Variants in MNS1 observed in about 807,000 individuals in gnomAD.
The protein encoded by MNS1 is meiosis-specific nuclear structural protein 1.
A neutral mutation model predicts 72.0 loss-of-function variants in MNS1; 63 were observed. The observed-to-expected ratio is 0.87, with a 90% CI of 0.71 to 1.08. The LOEUF (loss-of-function observed/expected upper bound fraction) is 1.08. Among genes scored for constraint, MNS1 ranks in the 50% least tolerant of loss-of-function variants. The pLI is 0.00. For synonymous variants in MNS1, 188 were observed against 172.1 expected (o/e 1.09, Z -0.72); for missense variants, 604 against 562.4 (o/e 1.07, Z -0.75).
chr15:56,457,775 A>G (rs1413198412), intron 2 of MNS1, among the ~76,000 whole-genome samples: 2 of 151,994 alleles, frequency 1.3e-5, no homozygotes, highest in Admixed American at 6.6e-5. Context: ...TGATCATGCC[A>G]CTGCACTCCA....
chr15:56,441,296 A>G (rs555469954), intron 7 of MNS1, among the ~76,000 whole-genome samples: 2 of 152,084 alleles, frequency 1.3e-5, no homozygotes, highest in South Asian at 4.2e-4. Flanking sequence ...GACTTCCTTT[A>G]TGTCCTAGAA....
At chr15:56,450,057 C>G (rs2050937861) in intron 3 of MNS1, among the ~76,000 whole-genome samples, 1 of 152,078 alleles carries the variant, frequency 6.6e-6, no homozygotes, top group Non-Finnish European at 1.5e-5. Context: ...CTGCTCTTAT[C>G]TTTATTATTG....
Position 56,429,205 on chromosome 15 carries a change from A to G in MNS1, c.1396-12T>C, listed in dbSNP as rs763153005. The G allele has an allele frequency of 1.9e-6, 3 of 1,550,066 alleles. No individual in the cohort carries two copies. The highest frequency in any genetic ancestry group is 2.3e-5 in the East Asian group (1 of 43,404). On this transcript the variant is annotated splice_polypyrimidine_tract_variant and intron_variant, in intron 9 of 9. Transcript: ENST00000260453. The stretch of plus-strand genomic sequence containing the variant: ...TTTTTAAATACTCCCTACGAGAAAA[A>G]TACTTTGTGGGTTACTTTTGAATAC...
At chr15:56,438,037 T>C (rs1475024137) in intron 7 of MNS1, among the ~76,000 whole-genome samples, 1 of 152,180 alleles carries the variant, frequency 6.6e-6, no homozygotes, top group Admixed American at 6.5e-5. Context: ...ATGGCCATAC[T>C]GCCCAAGGTA....
chr15:56,434,118 A>T lies in MNS1; in HGVS notation c.1269+20T>A. ...CTGTTTAATGATAATGACCAAAAAA[A>T]CCCCACAACTTTTTCTTACTTTGTC... On this transcript the variant is annotated intron_variant, in intron 8 of 9. Transcript: ENST00000260453. The T allele has an allele frequency of 6.2e-7, 1 of 1,601,240 alleles. No homozygotes were observed. The highest frequency in any genetic ancestry group is 1.1e-5 in the South Asian group (1 of 88,798).
intron 7 of MNS1, among the ~76,000 whole-genome samples, chr15:56,438,307 T>C (rs567618670): frequency 6.6e-6 from 1 of 152,010 alleles, no homozygotes; most frequent in African/African-American, 2.4e-5. Flanking sequence ...TCAGAAATAG[T>C]ACCACACATC....
chr15:56,444,338 T>C (rs963551870), intron 5 of MNS1, 106 bp downstream of exon 5: 46 of 871,388 alleles, frequency 5.3e-5, no homozygotes, highest in Middle Eastern at 3.5e-4. Context: ...TATTGAGCAC[T>C]TACTATGTAT....
At chr15:56,456,098 G>A (rs1399456196) in intron 3 of MNS1, among the ~76,000 whole-genome samples, 3 of 152,054 alleles carry the variant, frequency 2.0e-5, no homozygotes, top group Non-Finnish European at 4.4e-5. Flanking sequence ...TATTACCTAA[G>A]GTTTCTCTTA....
At chr15:56,449,796 G>A (rs1356985293) in intron 3 of MNS1, among the ~76,000 whole-genome samples, 1 of 152,106 alleles carries the variant, frequency 6.6e-6, no homozygotes, top group Non-Finnish European at 1.5e-5. Context: ...AATGTGCTAA[G>A]AATTTATCTA....
chr15:56,441,749 TCA>T (rs2050817585), intron 7 of MNS1, among the ~76,000 whole-genome samples: 1 of 152,218 alleles, frequency 6.6e-6, no homozygotes, highest in Admixed American at 6.5e-5. Flanking sequence ...GCACGGTGGC[TCA>T]CACCTCTAAT....
intron 7 of MNS1, among the ~76,000 whole-genome samples, chr15:56,442,906 AAAAG>A: frequency 6.6e-6 from 1 of 151,926 alleles, no homozygotes; most frequent in East Asian, 1.9e-4. Flanking sequence ...TGGAAAGAGA[AAAAG>A]AAAAAAAAAA....
intron 7 of MNS1, among the ~76,000 whole-genome samples, chr15:56,436,788 C>A (rs1596256409): frequency 1.3e-5 from 2 of 151,874 alleles, no homozygotes; most frequent in South Asian, 2.1e-4. Flanking sequence ...ACCACAGATC[C>A]AACGGAAATA....
intron 3 of MNS1, chr15:56,447,566 T>G (rs1408093257): frequency 1.3e-5 from 2 of 152,196 alleles, no homozygotes. Context: ...CACTTTCTAA[T>G]TGTTGATAAT....
At chr15:56,456,053 A>G (rs778989975) in intron 3 of MNS1, among the ~76,000 whole-genome samples, 3 of 152,148 alleles carry the variant, frequency 2.0e-5, no homozygotes, top group Admixed American at 6.5e-5. Flanking sequence ...GAAATACTGT[A>G]GGAAATTTAT....
chr15:56,430,702 A>G (rs1195778265), intron 9 of MNS1, among the ~76,000 whole-genome samples: 3 of 152,050 alleles, frequency 2.0e-5, no homozygotes, highest in African/African-American at 7.3e-5. Context: ...CATCTTTGGC[A>G]TGTAAGTACT....
rs779301648 is a variant in MNS1, at chr15:56,456,482, G to A, written c.265C>T (p.Gln89Ter). ...NKRLKELQLK[Q>*]EEKLAMELAK... The stretch of plus-strand genomic sequence containing the variant: ...AATTCCATAGCCAGTTTTTCTTCTT[G>A]TTTGAGCTGGAGTTCTTTCAATCTC... Residue 89 changes from glutamine to a stop codon, truncating the protein, a stop_gained, in exon 3 of 10, where the codon CAA becomes TAA. Coordinates refer to ENST00000260453, the MANE Select transcript of MNS1 (RefSeq NM_018365.4). LOFTEE classifies it high-confidence loss of function. 83 of 1,611,524 alleles carry A rather than the reference G, an allele frequency of 5.2e-5. No individual in the cohort carries two copies. Among genetic ancestry groups the A allele is most frequent in the Non-Finnish European group, 6.9e-5 (81 of 1,179,242 alleles).
intron 2 of MNS1, among the ~76,000 whole-genome samples, chr15:56,458,865 G>T (rs1418358028): frequency 6.6e-6 from 1 of 152,074 alleles, no homozygotes; most frequent in Non-Finnish European, 1.5e-5. Flanking sequence ...AGGACATCTT[G>T]GTTGCTTCTA....
intron 3 of MNS1, among the ~76,000 whole-genome samples, chr15:56,455,247 GAAAAAAAAAAAAA>G (rs56339584): frequency 1.2e-5 from 1 of 82,914 alleles, no homozygotes; most frequent in African/African-American, 4.8e-5. Flanking sequence ...ATCGTCAGGT[GAAAAAAAAAAAAA>G]AAAAAAAAAA....
At chr15:56,456,088 T>A (rs1270363130) in intron 3 of MNS1, among the ~76,000 whole-genome samples, 1 of 152,156 alleles carries the variant, frequency 6.6e-6, no homozygotes, top group Non-Finnish European at 1.5e-5. Context: ...TTAAACTAGT[T>A]ATTACCTAAG....
Sources: gnomAD v4.1 joint callset for allele counts (sites outside exome capture counted in the v4.1 genomes callset) on GRCh38, gnomAD v4.1.1 for gene constraint, MANE v1.5 for transcripts, NCBI Gene and HGNC (gene_info 2026-07-23, HGNC 2026-07-21) for gene names.